Variants in ARMC2 observed in about 807,000 individuals in gnomAD.
The protein encoded by ARMC2 is armadillo repeat containing 2, also known as armadillo repeat-containing protein 2.
Under a neutral mutation model 90.3 loss-of-function variants are expected in ARMC2, and 67 were observed. That is an observed-to-expected ratio of 0.74 (90% CI 0.61 to 0.91). ARMC2 has a LOEUF of 0.91. ARMC2 is among the 40% of genes least tolerant of loss of function. The pLI is 0.00. For missense variants in ARMC2, 920 were observed against 1,030.9 expected (o/e 0.89, Z 1.47); for synonymous variants, 393 against 393.0 (o/e 1.00, Z 0.00).
intron 10 of ARMC2, among the ~76,000 whole-genome samples, chr6:108,912,881 T>G (rs1773579305): frequency 6.6e-6 from 1 of 152,256 alleles, no homozygotes; most frequent in South Asian, 2.1e-4. Flanking sequence ...TTTAACAAGC[T>G]GCTTAGAGTG....
At chr6:108,877,784 C>A (rs938913149) in intron 5 of ARMC2, among the ~76,000 whole-genome samples, 1 of 152,226 alleles carries the variant, frequency 6.6e-6, no homozygotes, top group Non-Finnish European at 1.5e-5. Flanking sequence ...AGCCAGAGTT[C>A]ATTATGTCTT....
intron 10 of ARMC2, among the ~76,000 whole-genome samples, chr6:108,916,896 A>G (rs1169216122): frequency 2.0e-5 from 3 of 152,122 alleles, no homozygotes; most frequent in Admixed American, 6.5e-5. Context: ...CACAATCACA[A>G]CTAAGCCCAA....
intron 12 of ARMC2, among the ~76,000 whole-genome samples, chr6:108,942,346 G>T (rs1776512352): frequency 6.6e-6 from 1 of 152,188 alleles, no homozygotes; most frequent in Non-Finnish European, 1.5e-5. Flanking sequence ...TTTCACATGG[G>T]TGGGCTGCCA....
intron 6 of ARMC2, among the ~76,000 whole-genome samples, chr6:108,898,466 G>A (rs1176045424): frequency 6.6e-6 from 1 of 152,204 alleles, no homozygotes. Flanking sequence ...GGACTTAAGG[G>A]GTGGTCTTCA....
At position 108,884,920 on chromosome 6, in the gene ARMC2, A is replaced by G. The variant is rs116110203; in HGVS notation, c.671+8570A>G. ...ATGGAAAGCAGAGATGGAACCCTGC[A>G]TGGCACTGGTTAACACAGTAGCATG... is the stretch of plus-strand genomic sequence containing the variant. On this transcript the variant is annotated intron_variant, in intron 5 of 17. Transcript: ENST00000392644. Among the ~76,000 whole-genome samples, 639 of 152,308 alleles carry G rather than the reference A, an allele frequency of 4.2e-3. 3 individuals carry two copies. The highest frequency in any genetic ancestry group is 0.014 in the African/African-American group (598 of 41,564).
At chr6:108,964,373 G>A in intron 16 of ARMC2, 61 bp downstream of exon 16, 1 of 1,569,716 alleles carries the variant, frequency 6.4e-7, no homozygotes, top group South Asian at 1.2e-5. Context: ...ATTTTCTTGG[G>A]AGCTTTGGCC....
chr6:108,991,604 G>A, the ARMC2 span, among the ~76,000 whole-genome samples: 1 of 152,032 alleles, frequency 6.6e-6, no homozygotes, highest in African/African-American at 2.4e-5. Flanking sequence ...CTGCACTTCT[G>A]CCTTTTAGCC....
At chr6:109,049,316 C>CA in the ARMC2 span, among the ~76,000 whole-genome samples, 1 of 148,996 alleles carries the variant, frequency 6.7e-6, no homozygotes, top group Non-Finnish European at 1.5e-5. Flanking sequence ...TATGTGAAAG[C>CA]CAAAAAAAAA....
intron 5 of ARMC2, among the ~76,000 whole-genome samples, chr6:108,882,737 G>T (rs1777719221): frequency 6.6e-6 from 1 of 152,264 alleles, no homozygotes; most frequent in East Asian, 1.9e-4. Flanking sequence ...TCCTGAAGAA[G>T]ATAATTATCT....
intron 8 of ARMC2, among the ~76,000 whole-genome samples, chr6:108,910,440 A>C (rs1212712214): frequency 6.6e-6 from 1 of 152,154 alleles, no homozygotes; most frequent in Admixed American, 6.6e-5. Flanking sequence ...GCCTGGGCGA[A>C]AGAGCAAGAC....
At chr6:109,014,892 T>C in the ARMC2 span, among the ~76,000 whole-genome samples, 1 of 152,200 alleles carries the variant, frequency 6.6e-6, no homozygotes, top group Non-Finnish European at 1.5e-5. Context: ...ACACTAATTT[T>C]GTAAGTTACT....
intron 4 of ARMC2, among the ~76,000 whole-genome samples, chr6:108,869,699 T>C (rs1776194445): frequency 6.6e-6 from 1 of 152,160 alleles, no homozygotes; most frequent in Admixed American, 6.5e-5. Context: ...CGTGTGAGCA[T>C]GTAAGCAAAA....
chr6:108,900,778 ACT>A (rs1308608005), intron 7 of ARMC2, among the ~76,000 whole-genome samples: 1 of 151,880 alleles, frequency 6.6e-6, no homozygotes, highest in Non-Finnish European at 1.5e-5. Flanking sequence ...AGTCACCTAG[ACT>A]CTGTGTGCAA....
At chr6:108,904,555 G>C in intron 8 of ARMC2, 150 bp downstream of exon 8, 1 of 681,582 alleles carries the variant, frequency 1.5e-6, no homozygotes, top group Non-Finnish European at 2.2e-6. Flanking sequence ...TGACATCTCA[G>C]AATTTGACTA....
the ARMC2 span, among the ~76,000 whole-genome samples, chr6:109,032,434 T>C: frequency 1.3e-5 from 2 of 151,796 alleles, no homozygotes; most frequent in African/African-American, 2.4e-5. Context: ...CTGGCCAACA[T>C]AGTGAAACCC....
intron 13 of ARMC2, among the ~76,000 whole-genome samples, chr6:108,958,757 T>C (rs1271012926): frequency 6.6e-6 from 1 of 152,256 alleles, no homozygotes; most frequent in African/African-American, 2.4e-5. Flanking sequence ...AGCACTTACT[T>C]AGCACCCACT....
chr6:108,983,850 C>T, the ARMC2 span, among the ~76,000 whole-genome samples: 2 of 152,168 alleles, frequency 1.3e-5, no homozygotes, highest in African/African-American at 4.8e-5. Flanking sequence ...GATGTCTTTC[C>T]ATTTATTTGT....
At chr6:108,942,183 G>T (rs1052100296) in intron 12 of ARMC2, among the ~76,000 whole-genome samples, 4 of 152,200 alleles carry the variant, frequency 2.6e-5, no homozygotes. Context: ...GCTCATAAGT[G>T]CTGGAAGAAA....
chr6:108,855,250 CTTT>C (rs1256172618), intron 2 of ARMC2, among the ~76,000 whole-genome samples: 1 of 138,152 alleles, frequency 7.2e-6, no homozygotes. Flanking sequence ...TTTTGTTTTT[CTTT>C]TTTTTTTTTT....
Sources: allele counts gnomAD v4.1 joint callset (sites outside exome capture counted in the v4.1 genomes callset), GRCh38; gene constraint gnomAD v4.1.1; transcripts MANE v1.5; gene names NCBI Gene and HGNC (gene_info 2026-07-23, HGNC 2026-07-21).